The following CLSPN variants were observed in gnomAD, a reference collection of about 807,000 sequenced individuals.
CLSPN encodes the protein claspin homolog.
CLSPN carries 85 observed loss-of-function variants against 156.3 expected under a neutral mutation model. The ratio of observed to expected loss-of-function variants is 0.54; its 90% CI spans 0.46 to 0.65. The LOEUF (loss-of-function observed/expected upper bound fraction) is 0.65, where lower values mean the gene tolerates loss of function less well. Among genes scored for constraint, CLSPN ranks in the 30% least tolerant of loss-of-function variants. The probability of loss-of-function intolerance (pLI) is 0.00; values close to 1 mark genes in which losing one functional copy is unlikely to be tolerated. For missense variants in CLSPN, 1,407 were observed against 1,554.9 expected (o/e 0.90, Z 1.60); for synonymous variants, 534 against 542.4 (o/e 0.98, Z 0.22).
chr1:35,734,607 G>A lies in CLSPN; in HGVS notation c.*1889C>T, dbSNP rs1641399803. ...GAGGCAGAATTGCTTGAACCTAGGA[G>A]GCGGAGGTTGCAGTAAGCCGAGATC... On this transcript the variant is annotated 3_prime_UTR_variant, in exon 25 of 25. Coordinates refer to ENST00000318121, the MANE Select transcript of CLSPN (RefSeq NM_022111.4). 2.5e-6 allele frequency: 1 copy of A among 396,624 alleles called. No homozygotes were observed. Among genetic ancestry groups the A allele is most frequent in the African/African-American group, 2.2e-5 (1 of 45,690 alleles). 24.6% of individuals were successfully genotyped at this position (396,624 alleles called of 1,614,324 possible). A position where few individuals can be genotyped will look rare whatever the true frequency, so the allele number is the denominator to read the frequency against.
Position 35,732,756 on chromosome 1 carries a change from C to T in CLSPN, c.*3740G>A. The T allele has an allele frequency of 1.0e-6, 1 of 985,344 alleles. No individual in the cohort carries two copies. Among genetic ancestry groups the T allele is most frequent in the Non-Finnish European group, 1.2e-6 (1 of 829,910 alleles). The allele number at this position is 985,344 out of a possible 1,614,324, so 61.0% of individuals were successfully genotyped here. On this transcript the variant is annotated 3_prime_UTR_variant, in exon 25 of 25. Coordinates refer to ENST00000318121, the MANE Select transcript of CLSPN (RefSeq NM_022111.4). ...TCCTGGGGCTTCAATTTCATTAAAA[C>T]ATAACTGATGCTGCTGGCTCAGTGC...
At chr1:35,767,612 T>C (rs1483411448) in intron 1 of CLSPN, among the ~76,000 whole-genome samples, 1 of 152,228 alleles carries the variant, frequency 6.6e-6, no homozygotes. Context: ...AAATGCTGTA[T>C]AAAATTACCT....
At chr1:35,739,094 C>T (rs762443170) in intron 20 of CLSPN, 42 bp downstream of exon 20, 1 of 1,612,030 alleles carries the variant, frequency 6.2e-7, no homozygotes, top group Middle Eastern at 1.7e-4. Context: ...CCACCATGCT[C>T]AGCCCGTAAC....
intron 8 of CLSPN, among the ~76,000 whole-genome samples, chr1:35,760,000 A>G (rs939963186): frequency 6.6e-6 from 1 of 151,934 alleles, no homozygotes; most frequent in Non-Finnish European, 1.5e-5. Flanking sequence ...TGCCCGGCTA[A>G]TTTTTGTATT....
At chr1:35,748,929 G>T in intron 12 of CLSPN, 1 of 355,446 alleles carries the variant, frequency 2.8e-6, no homozygotes, top group Admixed American at 4.2e-5. Flanking sequence ...AGGTTCAAGC[G>T]ATTCTCCTGC....
intron 16 of CLSPN, among the ~76,000 whole-genome samples, chr1:35,744,031 C>T (rs1031186845): frequency 8.5e-5 from 13 of 152,096 alleles, no homozygotes; most frequent in African/African-American, 2.2e-4. Context: ...GCCTTTTTAA[C>T]GATCTTTCTA....
chr1:35,760,111 C>T (rs1163979761), intron 8 of CLSPN, among the ~76,000 whole-genome samples: 6 of 152,158 alleles, frequency 3.9e-5, no homozygotes, highest in Non-Finnish European at 8.8e-5. Flanking sequence ...GGATTACAGG[C>T]GTAAGCCACC....
chr1:35,758,721 G>C (rs913201396), intron 8 of CLSPN, among the ~76,000 whole-genome samples: 2 of 150,854 alleles, frequency 1.3e-5, no homozygotes, highest in South Asian at 2.1e-4. Context: ...TTGAGTGCTT[G>C]TTTATACTAT....
chr1:35,765,339 A>G lies in CLSPN; in HGVS notation c.25-13T>C. 6.4e-7 allele frequency: 1 copy of G among 1,570,048 alleles called. No individual in the cohort carries two copies. Among genetic ancestry groups the G allele is most frequent in the Non-Finnish European group, 8.8e-7 (1 of 1,141,156 alleles). On this transcript the variant is annotated splice_polypyrimidine_tract_variant and intron_variant, in intron 1 of 24. Transcript: ENST00000318121. ...TTTCTAGGTGAACCTAGAAAATGAC[A>G]ATATACTTTATATCAACCAGCAGGT...
chr1:35,764,721 G>T lies in CLSPN; in HGVS notation c.134-7C>A, dbSNP rs568841556. 3 of 1,543,478 alleles carry T rather than the reference G, an allele frequency of 1.9e-6. No individual in the cohort carries two copies. The highest frequency in any genetic ancestry group is 2.6e-6 in the Non-Finnish European group (3 of 1,149,624). On this transcript the variant is annotated splice_region_variant and splice_polypyrimidine_tract_variant and intron_variant, in intron 2 of 24. Transcript: ENST00000318121. ...AATATCTCTTCATCTGAATCTGGAG[G>T]AAACAATTTTCTTTTAATTATACCA... is the stretch of plus-strand genomic sequence containing the variant.
At chr1:35,753,976 T>G (rs1642186828) in intron 8 of CLSPN, 40 bp from the exon 9 acceptor site, 1 of 1,588,712 alleles carries the variant, frequency 6.3e-7, no homozygotes, top group Admixed American at 1.7e-5. Flanking sequence ...TTTGCCATGC[T>G]CAAAACTCTT....
intron 12 of CLSPN, 191 bp from the exon 13 acceptor site, chr1:35,748,795 C>A: frequency 1.8e-6 from 1 of 541,140 alleles, no homozygotes; most frequent in Non-Finnish European, 3.4e-6. Flanking sequence ...GCTTATTACT[C>A]TGAGCTAAGT....
rs754752693 is a variant in CLSPN, at chr1:35,737,018, G to C, written c.3805C>G (p.Leu1269Val). Reference sequence around the variant, plus strand: ...GGAGCACTGGGGTTATGGTCAGAGAGAGCAGCCAGTTTCTGAAGCACAGCT... The same window carrying C: ...GGAGCACTGGGGTTATGGTCAGAGACAGCAGCCAGTTTCTGAAGCACAGCT... ...PKAVLQKLAA[L>V]SDHNPSAPRN... The change falls in exon 24 of 25, where the codon CTC becomes GTC. Residue 1269 changes from leucine to valine, a missense_variant. By Grantham distance (32) the Leu-to-Val change is conservative. This residue lies in a region of CLSPN where 241 missense variants were observed against 240.5 expected (regional missense o/e 1.00). Transcript: ENST00000318121. 1.2e-6 allele frequency: 2 copies of C among 1,614,034 alleles called. No homozygotes were observed. The highest frequency in any genetic ancestry group is 8.5e-7 in the Non-Finnish European group (1 of 1,180,014).
At chr1:35,737,282 C>G (rs1641507151) in intron 23 of CLSPN, 57 bp downstream of exon 23, 2 of 1,470,326 alleles carry the variant, frequency 1.4e-6, no homozygotes. Context: ...CTAAGCTGGA[C>G]CTGGGCCTTT....
chr1:35,752,926 T>C (rs1642142430), intron 9 of CLSPN, among the ~76,000 whole-genome samples: 1 of 152,216 alleles, frequency 6.6e-6, no homozygotes, highest in Non-Finnish European at 1.5e-5. Flanking sequence ...ATAGTTATCT[T>C]TGGGAAGACT....
At position 35,735,243 on chromosome 1, in the gene CLSPN, A is replaced by G; in HGVS notation, c.*1253T>C. On this transcript the variant is annotated 3_prime_UTR_variant, in exon 25 of 25. Coordinates refer to ENST00000318121, the MANE Select transcript of CLSPN (RefSeq NM_022111.4). Reference sequence around the variant, plus strand: ...CACTTTATCTTCATCCCCAAGCCCCAGAAAATTAGAGGCAGAGTCTTTCTG... The same window carrying G: ...CACTTTATCTTCATCCCCAAGCCCCGGAAAATTAGAGGCAGAGTCTTTCTG... 1 of 985,446 alleles carries G rather than the reference A, an allele frequency of 1.0e-6. No individual in the cohort carries two copies. Among genetic ancestry groups the G allele is most frequent in the East Asian group, 1.1e-4 (1 of 8,818 alleles). 61.0% of individuals were successfully genotyped at this position (985,446 alleles called of 1,614,324 possible).
In CLSPN at chr1:35,737,077, T is replaced by C. The variant is rs1162753921; in HGVS notation, c.3748-2A>G. On this transcript the variant is annotated splice_acceptor_variant, in intron 23 of 24. Transcript: ENST00000318121. LOFTEE classifies it high-confidence loss of function. ...GTTTAGCAGTGAGCCTGTCTTCACCTGAGGAAAGAAGAGTCATCTGGTATC... is the reference window on the plus strand; with the variant it reads ...GTTTAGCAGTGAGCCTGTCTTCACCCGAGGAAAGAAGAGTCATCTGGTATC... 2.5e-6 allele frequency: 4 copies of C among 1,612,002 alleles called. No individual in the cohort carries two copies. The African/African-American group carries it at 5.3e-5, about 22-fold the overall frequency.
At chr1:35,744,882 C>T (rs926675891) in intron 16 of CLSPN, among the ~76,000 whole-genome samples, 10 of 152,078 alleles carry the variant, frequency 6.6e-5, no homozygotes, top group African/African-American at 1.7e-4. Flanking sequence ...GGCATGATCT[C>T]GGCTCACTAC....
intron 18 of CLSPN, among the ~76,000 whole-genome samples, chr1:35,742,315 A>T (rs1206031464): frequency 6.6e-6 from 1 of 152,184 alleles, no homozygotes; most frequent in Non-Finnish European, 1.5e-5. Context: ...AATCTTTCTG[A>T]GGCTCAGTTC....
Sources: gnomAD v4.1 joint callset for allele counts (sites outside exome capture counted in the v4.1 genomes callset) on GRCh38, gnomAD v4.1.1 for gene constraint, gnomAD v4.1.1 regional missense constraint, MANE v1.5 for transcripts, NCBI Gene and HGNC (gene_info 2026-07-23, HGNC 2026-07-21) for gene names.